Variants in CCDC7 observed in about 807,000 individuals in gnomAD.
CCDC7 encodes the protein coiled-coil domain containing 7.
Under a neutral mutation model 196.9 loss-of-function variants are expected in CCDC7, and 183 were observed. The observed-to-expected ratio is 0.93, with a 90% CI of 0.82 to 1.05. The LOEUF (loss-of-function observed/expected upper bound fraction) is 1.05. CCDC7 is among the 50% of genes least tolerant of loss of function. CCDC7 has a pLI of 0.00. For missense variants in CCDC7, 1,540 were observed against 1,482.2 expected, an observed-to-expected ratio of 1.04 and a Z score of -0.64; for synonymous variants, 525 against 484.6, an observed-to-expected ratio of 1.08 and a Z score of -1.10.
chr10:32,478,197 A>C (rs1237326784), intron 8 of CCDC7, among the ~76,000 whole-genome samples: 1 of 152,178 alleles, frequency 6.6e-6, no homozygotes, highest in Non-Finnish European at 1.5e-5. Flanking sequence ...TGTCCTGTAA[A>C]TTTGCAATAA....
intron 18 of CCDC7, among the ~76,000 whole-genome samples, chr10:32,613,902 T>G (rs967558491): frequency 6.6e-6 from 1 of 152,190 alleles, no homozygotes; most frequent in African/African-American, 2.4e-5. Context: ...TGTAGATGTT[T>G]ATTAGGTCTG....
intron 15 of CCDC7, 115 bp downstream of exon 16, chr10:32,568,006 G>GTTTTTT: frequency 5.0e-6 from 3 of 598,164 alleles, no homozygotes; most frequent in Non-Finnish European, 6.6e-6. Flanking sequence ...CTGTTTTTGG[G>GTTTTTT]TTTTTTTTTT....
chr10:32,626,277 A>G (rs1294950020), intron 18 of CCDC7, among the ~76,000 whole-genome samples: 1 of 152,112 alleles, frequency 6.6e-6, no homozygotes, highest in Non-Finnish European at 1.5e-5. Context: ...GTGAGGTGAC[A>G]TATCATTGTG....
intron 14 of CCDC7, among the ~76,000 whole-genome samples, chr10:32,567,035 A>G (rs1396260111): frequency 2.1e-5 from 3 of 145,668 alleles, no homozygotes; most frequent in Non-Finnish European, 3.0e-5. Flanking sequence ...CCTTTCTAAT[A>G]TAGCTAATAT....
At chr10:32,828,550 AAG>A (rs1259374059) in intron 32 of CCDC7, among the ~76,000 whole-genome samples, 31 of 147,792 alleles carry the variant, frequency 2.1e-4, no homozygotes, top group Non-Finnish European at 3.9e-4. Flanking sequence ...GAAGAAGAAG[AAG>A]AAGAAGAAAG....
At chr10:32,862,528 G>A (rs957819288) in intron 41 of CCDC7, among the ~76,000 whole-genome samples, 13 of 151,688 alleles carry the variant, frequency 8.6e-5, no homozygotes, top group Non-Finnish European at 1.6e-4. Flanking sequence ...TGCACGTTCT[G>A]CACATGTACC....
intron 30 of CCDC7, among the ~76,000 whole-genome samples, chr10:32,813,400 C>T (rs150790013): frequency 4.4e-4 from 67 of 152,176 alleles, no homozygotes; most frequent in Admixed American, 1.9e-3. Context: ...CAAATCTGAC[C>T]ATTACCTCCT....
At chr10:32,792,244 A>C (rs1592793496) in intron 29 of CCDC7, among the ~76,000 whole-genome samples, 1 of 152,340 alleles carries the variant, frequency 6.6e-6, no homozygotes, top group East Asian at 1.9e-4. Context: ...ACTATCATGA[A>C]TACATATGGA....
intron 8 of CCDC7, among the ~76,000 whole-genome samples, chr10:32,489,749 C>T (rs556083915): frequency 1.3e-5 from 2 of 151,952 alleles, no homozygotes; most frequent in Non-Finnish European, 2.9e-5. Flanking sequence ...GGCTCTAGGG[C>T]CTGGGGTGGG....
intron 39 of CCDC7, among the ~76,000 whole-genome samples, chr10:32,849,067 A>AATTCT (rs1426140733): frequency 1.3e-5 from 2 of 151,430 alleles, no homozygotes; most frequent in African/African-American, 2.4e-5. Flanking sequence ...CTTTAGGGAA[A>AATTCT]ATTCTCTTCT....
intron 25 of CCDC7, among the ~76,000 whole-genome samples, chr10:32,717,728 A>G (rs55758653): frequency 0.077 from 11,742 of 152,224 alleles, 544 homozygotes; most frequent in East Asian, 0.16. Context: ...ACAAACTACC[A>G]TCAGAGAATA....
At chr10:32,766,474 G>A (rs530077755) in intron 28 of CCDC7, among the ~76,000 whole-genome samples, 2 of 152,178 alleles carry the variant, frequency 1.3e-5, no homozygotes, top group East Asian at 3.9e-4. Context: ...AGTGACAGTA[G>A]CAGATAGGGA....
At chr10:32,748,780 T>C (rs1347099594) in intron 28 of CCDC7, among the ~76,000 whole-genome samples, 1 of 152,220 alleles carries the variant, frequency 6.6e-6, no homozygotes, top group African/African-American at 2.4e-5. Context: ...TAGGCTCTGA[T>C]AAAACCCTAG....
chr10:32,473,567 G>T (rs2038383655), intron 7 of CCDC7, among the ~76,000 whole-genome samples: 1 of 152,136 alleles, frequency 6.6e-6, no homozygotes, highest in Non-Finnish European at 1.5e-5. Context: ...GGAAAGGGAA[G>T]TTATTATACC....
At chr10:32,832,491 C>A (rs1196421703) in intron 32 of CCDC7, among the ~76,000 whole-genome samples, 5 of 151,678 alleles carry the variant, frequency 3.3e-5, no homozygotes, top group East Asian at 1.9e-4. Flanking sequence ...GGAAAAAAAA[C>A]CCAAAAATTA....
chr10:32,877,047 A>C (rs1452873704), downstream of CCDC7: 1 of 152,108 alleles, frequency 6.6e-6, no homozygotes, highest in African/African-American at 2.4e-5. Context: ...GAGCAGTAAT[A>C]TTAATCTAAA....
intron 9 of CCDC7, among the ~76,000 whole-genome samples, chr10:32,503,102 A>T (rs1318609333): frequency 6.6e-6 from 1 of 152,034 alleles, no homozygotes; most frequent in Non-Finnish European, 1.5e-5. Context: ...AACAAATATG[A>T]TTTTACTTAT....
chr10:32,863,987 T>TAA (rs199761389), intron 41 of CCDC7, among the ~76,000 whole-genome samples: 5 of 138,196 alleles, frequency 3.6e-5, no homozygotes, highest in African/African-American at 1.0e-4. Flanking sequence ...TACTGACTGG[T>TAA]AAAAAAAAAA....
intron 11 of CCDC7, among the ~76,000 whole-genome samples, chr10:32,529,206 A>G (rs925430105): frequency 6.6e-6 from 1 of 152,040 alleles, no homozygotes; most frequent in Non-Finnish European, 1.5e-5. Flanking sequence ...TATTTTTAGT[A>G]GAGATGGGGT....
Sources: allele counts gnomAD v4.1 joint callset (sites outside exome capture counted in the v4.1 genomes callset), GRCh38; gene constraint gnomAD v4.1.1; transcripts MANE v1.5; gene names NCBI Gene and HGNC (gene_info 2026-07-23, HGNC 2026-07-21).